Variants in TLN2 observed in about 807,000 individuals in gnomAD.
TLN2 encodes the protein talin 2, also known as talin-2.
A neutral mutation model predicts 294.7 loss-of-function variants in TLN2; 118 were observed. That is an observed-to-expected ratio of 0.40 (90% confidence interval 0.34 to 0.47). TLN2 has a LOEUF of 0.47. Among genes scored for constraint, TLN2 ranks in the 20% least tolerant of loss-of-function variants. The probability of loss-of-function intolerance (pLI) is 0.84; values close to 1 mark genes in which losing one functional copy is unlikely to be tolerated. For synonymous variants in TLN2, 1,431 were observed against 1,304.5 expected (o/e 1.10, Z -2.09); for missense variants, 3,083 against 3,282.2 (o/e 0.94, Z 1.48).
chr15:62,796,103 C>A (rs767184794), intron 46 of TLN2, 24 bp from the exon 47 acceptor site: 1 of 1,610,210 alleles, frequency 6.2e-7, no homozygotes, highest in Non-Finnish European at 8.5e-7. Context: ...CTTAGCTCCC[C>A]TCACATTCCC....
chr15:62,662,715 A>G (rs888665020), intron 9 of TLN2, among the ~76,000 whole-genome samples: 5 of 152,184 alleles, frequency 3.3e-5, no homozygotes, highest in African/African-American at 4.8e-5. Flanking sequence ...AAGAAAGATG[A>G]TAACTATTAA....
At chr15:62,640,323 A>G (rs1044920113) in intron 3 of TLN2, 3 of 456,076 alleles carry the variant, frequency 6.6e-6, no homozygotes, top group Non-Finnish European at 1.3e-5. Flanking sequence ...AAAATTGGGC[A>G]CAGAGGCCTT....
At position 62,724,963 on chromosome 15, in the gene TLN2, A is replaced by C. The variant is rs1195860654; in HGVS notation, c.3127-13A>C. Reference sequence around the variant, plus strand: ...AGCAGACTGGGTATACATATTTCCAACTCTGTTGGCAGGCCCATGAAGCTT... The same window carrying C: ...AGCAGACTGGGTATACATATTTCCACCTCTGTTGGCAGGCCCATGAAGCTT... On this transcript the variant is annotated splice_polypyrimidine_tract_variant and intron_variant, in intron 26 of 58. Transcript: ENST00000636159. 11 of 1,606,712 alleles carry C rather than the reference A, an allele frequency of 6.8e-6. No individual in the cohort carries two copies. In the Admixed American group the frequency reaches 1.3e-4, roughly 20 times the overall value.
intron 1 of TLN2, among the ~76,000 whole-genome samples, chr15:62,447,153 A>T (rs778044193): frequency 1.3e-3 from 111 of 82,524 alleles, no homozygotes; most frequent in African/African-American, 3.5e-3. Context: ...CAAGAAGCCT[A>T]TATTTATTTA....
rs1555459306 is a variant in TLN2 at position 62,657,153 on chromosome 15, T to TTG, written c.661-618_661-617insTG. ...TTAGAGAAAGGAAAGGCTGAAAAGG[T>TTG]GGGGGGGGGAAGCAACAGCAGTGAT... On this transcript the variant is annotated intron_variant, in intron 8 of 58. Coordinates refer to ENST00000636159, the MANE Select transcript of TLN2 (RefSeq NM_015059.3). Among the ~76,000 whole-genome samples the TTG allele has an allele frequency of 1.1e-4, 16 of 139,494 alleles. No individual in the cohort carries two copies. The East Asian group carries it at 2.0e-3, about 17-fold the overall frequency. The allele number at this position is 139,494 out of a possible 152,430, so 91.5% of individuals were successfully genotyped here.
At chr15:62,458,359 C>T (rs1375592553) in intron 1 of TLN2, among the ~76,000 whole-genome samples, 1 of 152,150 alleles carries the variant, frequency 6.6e-6, no homozygotes, top group Non-Finnish European at 1.5e-5. Flanking sequence ...GAATCTCTTT[C>T]ACATTGGCGA....
chr15:62,550,300 A>G (rs1431072158), intron 1 of TLN2, among the ~76,000 whole-genome samples: 1 of 152,098 alleles, frequency 6.6e-6, no homozygotes, highest in African/African-American at 2.4e-5. Flanking sequence ...ACATATTTAC[A>G]GGGGGGAAAA....
In TLN2 at chr15:62,809,919, C is replaced by G. The variant is rs376621473; in HGVS notation, c.6664-6C>G. On this transcript the variant is annotated splice_polypyrimidine_tract_variant and splice_region_variant and intron_variant, in intron 51 of 58. Transcript: ENST00000636159. Reference sequence around the variant, plus strand: ...TTAAGATTTCAGCATTCCTTTCTCTCTCCAGCAAGCATCCTTCCACCCCGA... The same window carrying G: ...TTAAGATTTCAGCATTCCTTTCTCTGTCCAGCAAGCATCCTTCCACCCCGA... The G allele has an allele frequency of 4.8e-5, 77 of 1,613,678 alleles. No homozygotes were observed. The highest frequency in any genetic ancestry group is 6.4e-5 in the Non-Finnish European group (75 of 1,179,772).
intron 51 of TLN2, among the ~76,000 whole-genome samples, chr15:62,809,321 T>G (rs1278722394): frequency 6.6e-6 from 1 of 152,190 alleles, no homozygotes; most frequent in Non-Finnish European, 1.5e-5. Context: ...GTGTTAAGCA[T>G]GTGTGCTGGT....
chr15:62,400,330 A>G (rs1467420504), intron 1 of TLN2, among the ~76,000 whole-genome samples: 1 of 152,254 alleles, frequency 6.6e-6, no homozygotes, highest in African/African-American at 2.4e-5. Flanking sequence ...ATGGATTAAT[A>G]CAGGTGAAAG....
At chr15:62,532,832 A>T (rs1180585113) in intron 1 of TLN2, among the ~76,000 whole-genome samples, 1 of 152,182 alleles carries the variant, frequency 6.6e-6, no homozygotes, top group Admixed American at 6.5e-5. Flanking sequence ...GGGAAACGAG[A>T]TGCCCCACAA....
At chr15:62,683,728 A>G (rs1391139789) in intron 11 of TLN2, among the ~76,000 whole-genome samples, 1 of 152,158 alleles carries the variant, frequency 6.6e-6, no homozygotes, top group East Asian at 1.9e-4. Flanking sequence ...GGTATATGAG[A>G]TAGATGGGTC....
At chr15:62,466,886 A>T (rs1407598901) in intron 1 of TLN2, among the ~76,000 whole-genome samples, 3 of 152,192 alleles carry the variant, frequency 2.0e-5, no homozygotes, top group East Asian at 1.9e-4. Flanking sequence ...AATTTTTGCA[A>T]ATGGCTGTGA....
intron 11 of TLN2, among the ~76,000 whole-genome samples, chr15:62,676,233 G>A (rs986318040): frequency 2.0e-5 from 3 of 152,150 alleles, no homozygotes; most frequent in South Asian, 4.2e-4. Context: ...ACTCCTCATC[G>A]GAGCAAGCTG....
In TLN2 at chr15:62,833,605, G is replaced by C. The variant is rs142793310; in HGVS notation, c.7104G>C (p.Gln2368His). The C allele has an allele frequency of 6.2e-7, 1 of 1,613,994 alleles. No homozygotes were observed. The highest frequency in any genetic ancestry group is 8.5e-7 in the Non-Finnish European group (1 of 1,180,016). Residue 2368 changes from glutamine (Q) to histidine (H), a missense_variant, in exon 55 of 59, where the codon CAG becomes CAC. By Grantham distance (24) the Gln-to-His change is conservative. Transcript: ENST00000636159. The stretch of plus-strand genomic sequence containing the variant: ...TGGTCAAATCGGCCTCAGCAGCCCA[G>C]AGGGAGCTGGTGGCCCAAGGAAAGG... ...SALVKSASAA[Q>H]RELVAQGKVG... is the part of the protein sequence containing the mutation.
intron 51 of TLN2, among the ~76,000 whole-genome samples, chr15:62,808,522 A>T (rs2066451975): frequency 6.6e-6 from 1 of 152,214 alleles, no homozygotes; most frequent in African/African-American, 2.4e-5. Flanking sequence ...GAGTTTAATT[A>T]GTGCCACATT....
chr15:62,397,085 T>A (rs2032612929), intron 1 of TLN2, among the ~76,000 whole-genome samples: 2 of 152,152 alleles, frequency 1.3e-5, no homozygotes, highest in South Asian at 4.1e-4. Context: ...TGGGTTGGTG[T>A]TTGAATCCAA....
intron 1 of TLN2, among the ~76,000 whole-genome samples, chr15:62,508,362 G>A (rs1472011617): frequency 2.6e-5 from 4 of 151,994 alleles, no homozygotes; most frequent in East Asian, 1.9e-4. Flanking sequence ...GACTACAGGC[G>A]CGTGCCACCA....
intron 54 of TLN2, among the ~76,000 whole-genome samples, chr15:62,825,714 AT>A (rs1230690100): frequency 8.2e-6 from 1 of 122,476 alleles, no homozygotes; most frequent in Non-Finnish European, 1.6e-5. Context: ...ATATATAAAT[AT>A]AAATATATAT....
Sources: gnomAD v4.1 joint callset for allele counts (sites outside exome capture counted in the v4.1 genomes callset) on GRCh38, gnomAD v4.1.1 for gene constraint, MANE v1.5 for transcripts, NCBI Gene and HGNC (gene_info 2026-07-23, HGNC 2026-07-21) for gene names.